Variants in RAD21L1 observed in about 807,000 individuals in gnomAD.
RAD21L1 encodes the protein double-strand-break repair protein rad21-like protein 1.
A neutral mutation model predicts 69.0 loss-of-function variants in RAD21L1; 47 were observed. That is an observed-to-expected ratio of 0.68 (90% confidence interval 0.54 to 0.87). The LOEUF (loss-of-function observed/expected upper bound fraction) is 0.87. Ranked by LOEUF, RAD21L1 falls within the 40% of genes least tolerant of loss-of-function variation. RAD21L1 has a pLI of 0.00. For synonymous variants in RAD21L1, 177 were observed against 205.8 expected, an observed-to-expected ratio of 0.86 and a Z score of 1.20; for missense variants, 583 against 647.6, an observed-to-expected ratio of 0.90 and a Z score of 1.08.
At chr20:1,226,897 C>A (rs1300266395) in intron 1 of RAD21L1, among the ~76,000 whole-genome samples, 1 of 152,184 alleles carries the variant, frequency 6.6e-6, no homozygotes, top group Non-Finnish European at 1.5e-5. Context: ...TTTAAGAAGT[C>A]CATCACTTAA....
intron 13 of RAD21L1, among the ~76,000 whole-genome samples, chr20:1,253,094 C>T (rs1173578855): frequency 6.6e-6 from 1 of 152,198 alleles, no homozygotes; most frequent in Non-Finnish European, 1.5e-5. Flanking sequence ...TAAATGTAGG[C>T]TGGATATGCC....
chr20:1,229,720 A>G (rs1255189814), intron 2 of RAD21L1, among the ~76,000 whole-genome samples, 160 bp from the exon 3 acceptor site: 5 of 152,240 alleles, frequency 3.3e-5, no homozygotes, highest in Non-Finnish European at 7.3e-5. Context: ...GAATAAAAAA[A>G]TCATTTTGCA....
intron 11 of RAD21L1, among the ~76,000 whole-genome samples, chr20:1,244,397 A>G (rs2122124414): frequency 6.6e-6 from 1 of 152,338 alleles, no homozygotes; most frequent in Admixed American, 6.5e-5. Context: ...ATACCAAGCT[A>G]GTATTTTGCA....
At chr20:1,240,489 C>A in intron 8 of RAD21L1, 55 bp downstream of exon 8, 1 of 1,496,672 alleles carries the variant, frequency 6.7e-7, no homozygotes, top group Non-Finnish European at 8.9e-7. Flanking sequence ...AACTTATTTA[C>A]TTTGAGATGT....
chr20:1,237,144 C>A (rs2087511869), intron 5 of RAD21L1, among the ~76,000 whole-genome samples: 1 of 152,178 alleles, frequency 6.6e-6, no homozygotes, highest in Non-Finnish European at 1.5e-5. Flanking sequence ...TCTTTACTGT[C>A]TAACACTAAC....
At chr20:1,237,696 A>G (rs1421075531) in intron 5 of RAD21L1, among the ~76,000 whole-genome samples, 4 of 152,180 alleles carry the variant, frequency 2.6e-5, no homozygotes, top group African/African-American at 9.7e-5. Context: ...TCCTTGAAAT[A>G]CTATGAAATA....
rs1035324412 is a variant in RAD21L1, at chr20:1,254,273, C to G, written c.1484C>G (p.Ser495Cys). 4.7e-6 allele frequency: 7 copies of G among 1,490,332 alleles called. No homozygotes were observed. The highest frequency in any genetic ancestry group is 4.6e-5 in the Admixed American group (2 of 43,628). 92.3% of individuals were successfully genotyped at this position (1,490,332 alleles called of 1,614,324 possible). Residue 495 changes from serine (S) to cysteine (C), a missense_variant, in exon 14 of 14, where the codon TCT (serine) becomes TGT (cysteine). Coordinates refer to ENST00000683101, the MANE Select transcript of RAD21L1 (RefSeq NM_001384355.1). ...ILQMLNRLRESNKMGMQSFSL... is the reference protein window; with the variant it reads ...ILQMLNRLRECNKMGMQSFSL... ...CTTTTCTAATTATTTTCCCAGGAAT[C>G]TAACAAGATGGGAATGCAGTCCTTT...
At position 1,232,314 on chromosome 20, in the gene RAD21L1, G is replaced by A. The variant is rs74426894; in HGVS notation, c.368+695G>A. On this transcript the variant is annotated intron_variant, in intron 4 of 13. Transcript: ENST00000683101. Reference sequence around the variant, plus strand: ...TACAGCGGGACTTTTATTTTACTCAGGGAACACAGGAAGGTTTTGAATAGA... The same window carrying A: ...TACAGCGGGACTTTTATTTTACTCAAGGAACACAGGAAGGTTTTGAATAGA... Among the ~76,000 whole-genome samples the A allele has an allele frequency of 8.5e-5, 13 of 152,292 alleles. No homozygotes were observed. The East Asian group carries it at 2.5e-3, about 29-fold the overall frequency.
At chr20:1,242,533 T>C in intron 8 of RAD21L1, 86 bp from the exon 9 acceptor site, 22 of 1,064,268 alleles carry the variant, frequency 2.1e-5, no homozygotes, top group Non-Finnish European at 3.1e-5. Flanking sequence ...GTGCCTGGCT[T>C]AGAAATTTCT....
intron 7 of RAD21L1, among the ~76,000 whole-genome samples, 167 bp downstream of exon 7, chr20:1,239,574 T>G (rs1408201754): frequency 1.3e-5 from 2 of 152,248 alleles, no homozygotes; most frequent in Admixed American, 6.5e-5. Flanking sequence ...TGGATTCTGA[T>G]AAAGGTACAC....
intron 1 of RAD21L1, among the ~76,000 whole-genome samples, chr20:1,227,966 G>A (rs6078239): frequency 0.044 from 6,664 of 152,162 alleles, 178 homozygotes; most frequent in Middle Eastern, 0.068. Context: ...CAACACCTGC[G>A]TATAAATCAA....
At chr20:1,237,824 AT>A (rs984909191) in intron 5 of RAD21L1, among the ~76,000 whole-genome samples, 15 of 152,262 alleles carry the variant, frequency 9.9e-5, no homozygotes, top group Non-Finnish European at 1.8e-4. Flanking sequence ...ATATGTTGGC[AT>A]TTTTTCCATT....
chr20:1,228,685 T>G, intron 2 of RAD21L1, 88 bp downstream of exon 2: 1 of 965,266 alleles, frequency 1.0e-6, no homozygotes, highest in Non-Finnish European at 1.5e-6. Context: ...ATGAAATACA[T>G]TTTCAAGGAA....
intron 7 of RAD21L1, among the ~76,000 whole-genome samples, chr20:1,239,873 A>G (rs1439658992): frequency 3.9e-5 from 6 of 152,220 alleles, no homozygotes; most frequent in Non-Finnish European, 5.9e-5. Flanking sequence ...TTGATGTTAT[A>G]TTTGCTTTCT....
chr20:1,237,028 G>C (rs1170240231), intron 5 of RAD21L1, among the ~76,000 whole-genome samples: 1 of 152,124 alleles, frequency 6.6e-6, no homozygotes, highest in Non-Finnish European at 1.5e-5. Context: ...TTTCTTCTGA[G>C]CAATTCTTTA....
chr20:1,248,921 A>G (rs1195942588), intron 13 of RAD21L1, among the ~76,000 whole-genome samples: 2 of 152,116 alleles, frequency 1.3e-5, no homozygotes, highest in Non-Finnish European at 2.9e-5. Flanking sequence ...ACCCACACTA[A>G]TACCCTTAGA....
chr20:1,248,664 A>C lies in RAD21L1; in HGVS notation c.1440A>C (p.Arg480Ser). Residue 480 changes from arginine to serine, a missense_variant, in exon 13 of 14, where the codon AGA becomes AGC. Arg to Ser is a moderately radical substitution (Grantham distance 110, BLOSUM62 -1). Transcript: ENST00000683101. ...LSNEENIETE[R>S]WNGRILQMLN... ...ATGAAGAAAATATTGAGACAGAGAG[A>C]TGGAATGGAAGAATACTTCAGATGT... The C allele has an allele frequency of 1.3e-6, 2 of 1,534,648 alleles. No individual in the cohort carries two copies. Among genetic ancestry groups the C allele is most frequent in the Non-Finnish European group, 1.8e-6 (2 of 1,135,812 alleles).
intron 8 of RAD21L1, 100 bp downstream of exon 8, chr20:1,240,534 A>G (rs2122830010): frequency 7.0e-7 from 1 of 1,432,768 alleles, no homozygotes; most frequent in Admixed American, 3.1e-5. Flanking sequence ...GGAGATAGTC[A>G]ATCTAGTAAT....
At chr20:1,252,282 T>C (rs1207320955) in intron 13 of RAD21L1, among the ~76,000 whole-genome samples, 1 of 152,206 alleles carries the variant, frequency 6.6e-6, no homozygotes, top group African/African-American at 2.4e-5. Context: ...AAAAACTGAC[T>C]GGAAGTTATA....
Sources: allele counts gnomAD v4.1 joint callset (sites outside exome capture counted in the v4.1 genomes callset), GRCh38; gene constraint gnomAD v4.1.1; transcripts MANE v1.5; gene names NCBI Gene and HGNC (gene_info 2026-07-23, HGNC 2026-07-21).